ZNF385B: variants seen among roughly 807,000 people sequenced by gnomAD.
The protein encoded by ZNF385B is zinc finger protein 385B.
In ZNF385B, 23 loss-of-function variants were observed where a neutral mutation model predicts 39.2. The observed-to-expected ratio is 0.59, with a 90% CI of 0.42 to 0.83. The LOEUF (loss-of-function observed/expected upper bound fraction) is 0.83, where lower values mean the gene tolerates loss of function less well. Among genes scored for constraint, ZNF385B ranks in the 40% least tolerant of loss-of-function variants. The pLI is 0.00. For missense variants in ZNF385B, 552 were observed against 598.9 expected (o/e 0.92, Z 0.82); for synonymous variants, 205 against 222.6 (o/e 0.92, Z 0.70).
intron 3 of ZNF385B, among the ~76,000 whole-genome samples, chr2:179,640,351 T>G (rs1692154414): frequency 6.6e-6 from 1 of 152,114 alleles, no homozygotes; most frequent in Admixed American, 6.6e-5. Context: ...CTGAAGAATT[T>G]GGGAGTGAAG....
intron 5 of ZNF385B, among the ~76,000 whole-genome samples, chr2:179,487,853 T>G (rs1319820622): frequency 6.6e-6 from 1 of 152,160 alleles, no homozygotes. Context: ...ACATAAGAAT[T>G]CATCAGCATA....
chr2:179,447,152 C>T (rs561818939), intron 6 of ZNF385B, among the ~76,000 whole-genome samples: 1 of 152,242 alleles, frequency 6.6e-6, no homozygotes, highest in African/African-American at 2.4e-5. Context: ...AGCCATTAGG[C>T]CATGTTAGTT....
chr2:179,647,327 G>A (rs1430142122), intron 3 of ZNF385B, among the ~76,000 whole-genome samples: 2 of 151,284 alleles, frequency 1.3e-5, no homozygotes, highest in African/African-American at 2.4e-5. Context: ...TCAACATTTT[G>A]TTACATGCAT....
At chr2:179,467,340 C>CATAG (rs2052176926) in intron 6 of ZNF385B, among the ~76,000 whole-genome samples, 1 of 152,158 alleles carries the variant, frequency 6.6e-6, no homozygotes, top group South Asian at 2.1e-4. Context: ...CTTTATTAGT[C>CATAG]ATAGGATTTC....
intron 3 of ZNF385B, among the ~76,000 whole-genome samples, chr2:179,753,711 G>T (rs1209545229): frequency 1.3e-5 from 2 of 152,258 alleles, no homozygotes; most frequent in East Asian, 3.9e-4. Flanking sequence ...GTAAATGGGA[G>T]TTCACTCATG....
chr2:179,450,411 C>A (rs1459355846), intron 6 of ZNF385B, among the ~76,000 whole-genome samples: 2 of 152,046 alleles, frequency 1.3e-5, no homozygotes, highest in Admixed American at 1.3e-4. Flanking sequence ...TACAAAAAAA[C>A]AAACAACCCC....
chr2:179,588,967 C>A (rs1000376877), intron 3 of ZNF385B, among the ~76,000 whole-genome samples: 1 of 152,176 alleles, frequency 6.6e-6, no homozygotes, highest in African/African-American at 2.4e-5. Flanking sequence ...ATTTCAGAAA[C>A]CTGCTTCCAC....
chr2:179,530,478 G>A (rs1323096314), intron 4 of ZNF385B, among the ~76,000 whole-genome samples: 1 of 152,024 alleles, frequency 6.6e-6, no homozygotes, highest in African/African-American at 2.4e-5. Context: ...AAACTTTCTC[G>A]ATCTAAAAAT....
chr2:179,547,326 A>G (rs1050090367), intron 3 of ZNF385B, among the ~76,000 whole-genome samples: 1 of 149,302 alleles, frequency 6.7e-6, no homozygotes, highest in South Asian at 2.1e-4. Context: ...CAATTTTTTC[A>G]CATAGTAGTT....
intron 3 of ZNF385B, among the ~76,000 whole-genome samples, chr2:179,574,915 C>T (rs1239727226): frequency 6.6e-6 from 1 of 152,128 alleles, no homozygotes; most frequent in Non-Finnish European, 1.5e-5. Flanking sequence ...ATTTCTCTCT[C>T]CAGGCCCTCC....
intron 3 of ZNF385B, among the ~76,000 whole-genome samples, chr2:179,688,770 C>G (rs899244314): frequency 6.6e-6 from 1 of 152,062 alleles, no homozygotes; most frequent in Admixed American, 6.5e-5. Context: ...CTTGAATGTA[C>G]TCCTCCTCTG....
Position 179,769,837 on chromosome 2 carries a change from T to C in ZNF385B, c.-2-35A>G, listed in dbSNP as rs769792561. 79 of 1,532,870 alleles carry C rather than the reference T, an allele frequency of 5.2e-5. 1 individual carries two copies. The East Asian group carries it at 7.2e-4, about 14-fold the overall frequency. 95.0% of individuals were successfully genotyped at this position (1,532,870 alleles called of 1,614,324 possible). A position where few individuals can be genotyped will look rare whatever the true frequency, so the allele number is the denominator to read the frequency against. ...AAAACAAGTACAAGTGCTTCTGAAA[T>C]GATATATGCCTTATTTTCTAGTATG... On this transcript the variant is annotated intron_variant, in intron 2 of 9. Transcript: ENST00000410066.
intron 3 of ZNF385B, among the ~76,000 whole-genome samples, chr2:179,573,728 A>G (rs1685491783): frequency 6.6e-6 from 1 of 152,130 alleles, no homozygotes; most frequent in Non-Finnish European, 1.5e-5. Context: ...ACGGATGAGA[A>G]AGCTTTCAAG....
chr2:179,603,509 G>A lies in ZNF385B; in HGVS notation c.299-58540C>T, dbSNP rs572581951. Among the ~76,000 whole-genome samples the A allele has an allele frequency of 7.2e-5, 11 of 152,244 alleles. 1 individual carries two copies. In the South Asian group the frequency reaches 2.3e-3, roughly 32 times the overall value. On this transcript the variant is annotated intron_variant, in intron 3 of 9. Coordinates refer to ENST00000410066, the MANE Select transcript of ZNF385B (RefSeq NM_152520.6). Reference sequence around the variant, plus strand: ...ATCCCAAAACCAAGACAATGACCCAGGATCTTTAAACAACAATTTTGTTTT... The same window carrying A: ...ATCCCAAAACCAAGACAATGACCCAAGATCTTTAAACAACAATTTTGTTTT...
chr2:179,857,832 C>G (rs1022953230), intron 1 of ZNF385B, among the ~76,000 whole-genome samples: 1 of 152,120 alleles, frequency 6.6e-6, no homozygotes, highest in Non-Finnish European at 1.5e-5. Context: ...AGTAGGCACT[C>G]AAATATTCAC....
chr2:179,543,660 T>C (rs2060057998), intron 4 of ZNF385B, among the ~76,000 whole-genome samples: 1 of 152,016 alleles, frequency 6.6e-6, no homozygotes, highest in Non-Finnish European at 1.5e-5. Context: ...GCTCGCCTTT[T>C]GTAACTTTTT....
At chr2:179,679,375 T>C in intron 3 of ZNF385B, among the ~76,000 whole-genome samples, 1 of 152,176 alleles carries the variant, frequency 6.6e-6, no homozygotes, top group East Asian at 1.9e-4. Flanking sequence ...AAGTGATGCA[T>C]GACTGTAATT....
chr2:179,770,467 C>T (rs1258487520), intron 2 of ZNF385B, 54 bp downstream of exon 2: 1 of 152,162 alleles, frequency 6.6e-6, no homozygotes, highest in Non-Finnish European at 1.5e-5. Context: ...CAGATACATG[C>T]CTTAACTGCA....
chr2:179,763,057 A>C (rs1703493186), intron 3 of ZNF385B, among the ~76,000 whole-genome samples: 1 of 152,098 alleles, frequency 6.6e-6, no homozygotes, highest in Non-Finnish European at 1.5e-5. Context: ...GGCACTTGTC[A>C]CCATGCTAGG....
Sources: gnomAD v4.1 joint callset for allele counts (sites outside exome capture counted in the v4.1 genomes callset) on GRCh38, gnomAD v4.1.1 for gene constraint, MANE v1.5 for transcripts, NCBI Gene and HGNC (gene_info 2026-07-23, HGNC 2026-07-21) for gene names.